The following C10orf90 variants were observed in gnomAD, a reference collection of about 807,000 sequenced individuals.
C10orf90 encodes chromosome 10 open reading frame 90.
In C10orf90, 56 loss-of-function variants were observed where a neutral mutation model predicts 62.5. The ratio of observed to expected loss-of-function variants is 0.90; its 90% CI spans 0.72 to 1.12. C10orf90 has a LOEUF of 1.12. C10orf90 is among the 50% of genes most tolerant of loss of function. C10orf90 has a pLI of 0.00. For missense variants in C10orf90, 970 were observed against 880.4 expected, an observed-to-expected ratio of 1.10 and a Z score of -1.29; for synonymous variants, 386 against 340.4, an observed-to-expected ratio of 1.13 and a Z score of -1.47.
At chr10:126,604,549 G>A (rs1845266883) in intron 2 of C10orf90, among the ~76,000 whole-genome samples, 1 of 152,206 alleles carries the variant, frequency 6.6e-6, no homozygotes. Flanking sequence ...GTAAGACACA[G>A]AAATGCAAAT....
intron 3 of C10orf90, among the ~76,000 whole-genome samples, chr10:126,513,103 A>C (rs1448896199): frequency 1.3e-5 from 2 of 152,204 alleles, no homozygotes; most frequent in African/African-American, 4.8e-5. Flanking sequence ...ATGCCTTGTA[A>C]ACTGTAACAT....
At chr10:126,524,561 G>T (rs928802701) in intron 2 of C10orf90, 1 of 911,150 alleles carries the variant, frequency 1.1e-6, no homozygotes, top group Non-Finnish European at 1.3e-6. Context: ...GGGAGAAGCT[G>T]AAAGATGAAA....
At chr10:126,563,402 G>C (rs1251187358) in intron 2 of C10orf90, among the ~76,000 whole-genome samples, 1 of 152,170 alleles carries the variant, frequency 6.6e-6, no homozygotes, top group Non-Finnish European at 1.5e-5. Context: ...GGTTTAACCA[G>C]AGCCATAAAT....
chr10:126,555,873 T>C (rs1414075071), intron 2 of C10orf90, among the ~76,000 whole-genome samples: 1 of 152,074 alleles, frequency 6.6e-6, no homozygotes, highest in African/African-American at 2.4e-5. Flanking sequence ...AAGTTACTTA[T>C]TCATAGAAAT....
chr10:126,637,790 A>G lies in C10orf90; in HGVS notation c.313+8775T>C, dbSNP rs1199663615. On this transcript the variant is annotated intron_variant, in intron 2 of 9. Coordinates refer to ENST00000488181, the MANE Select transcript of C10orf90 (RefSeq NM_001350921.2). Reference sequence around the variant, plus strand: ...CCAGGGCCTCGGGGCCTTTTGCACCACAATAAAAATGGTCCTTATTCCAAG... The same window carrying G: ...CCAGGGCCTCGGGGCCTTTTGCACCGCAATAAAAATGGTCCTTATTCCAAG... Among the ~76,000 whole-genome samples the G allele has an allele frequency of 4.1e-4, 62 of 152,212 alleles. 1 individual carries two copies. The highest frequency in any genetic ancestry group is 4.1e-3 in the Admixed American group (62 of 15,290).
chr10:126,643,082 T>C (rs933788933), intron 2 of C10orf90, among the ~76,000 whole-genome samples: 1 of 152,256 alleles, frequency 6.6e-6, no homozygotes, highest in Non-Finnish European at 1.5e-5. Flanking sequence ...GTTGTCTTCC[T>C]AGCACTTGGA....
rs536212947 is a variant in C10orf90, at chr10:126,534,828, C to T, written c.314-20889G>A. Among the ~76,000 whole-genome samples, 5 of 152,304 alleles carry T rather than the reference C, an allele frequency of 3.3e-5. No individual in the cohort carries two copies. In the South Asian group the frequency reaches 8.3e-4, roughly 25 times the overall value. On this transcript the variant is annotated intron_variant, in intron 2 of 9. Coordinates refer to ENST00000488181, the MANE Select transcript of C10orf90 (RefSeq NM_001350921.2). ...GTTTCCGCGTAGTGGGAAGATGGTG[C>T]TGCCTTTCAACAGACCTGCGAGCTC... is the stretch of plus-strand genomic sequence containing the variant.
intron 2 of C10orf90, among the ~76,000 whole-genome samples, chr10:126,543,496 A>G (rs141127452): frequency 2.0e-5 from 3 of 152,334 alleles, no homozygotes; most frequent in South Asian, 4.1e-4. Context: ...CAATTTTTCT[A>G]TAATTCAAGG....
intron 2 of C10orf90, chr10:126,521,393 A>T (rs1271763483): frequency 1.9e-5 from 30 of 1,607,888 alleles, no homozygotes; most frequent in Non-Finnish European, 2.5e-5. Flanking sequence ...ATTTGGCGAC[A>T]TGAAAGAAAA....
At chr10:126,512,386 C>G (rs61865862) in intron 3 of C10orf90, among the ~76,000 whole-genome samples, 9 of 13,382 alleles carry the variant, frequency 6.7e-4, no homozygotes, top group South Asian at 6.1e-3. Context: ...GTGTGTGTGT[C>G]TGTGTGTGTG....
chr10:126,523,894 G>A (rs1435504478), intron 2 of C10orf90, among the ~76,000 whole-genome samples: 1 of 152,176 alleles, frequency 6.6e-6, no homozygotes, highest in East Asian at 1.9e-4. Flanking sequence ...TGTAGCATGT[G>A]TCAGAATTTC....
At chr10:126,608,553 A>G (rs1201677323) in intron 2 of C10orf90, among the ~76,000 whole-genome samples, 1 of 152,206 alleles carries the variant, frequency 6.6e-6, no homozygotes, top group South Asian at 2.1e-4. Context: ...CAATATCCAC[A>G]ATTATCTGAA....
At chr10:126,584,069 G>A (rs900321287) in intron 2 of C10orf90, among the ~76,000 whole-genome samples, 1 of 152,190 alleles carries the variant, frequency 6.6e-6, no homozygotes, top group African/African-American at 2.4e-5. Context: ...GCAGTGAGCT[G>A]TGATGGTGCC....
At chr10:126,516,743 A>G (rs1863457427) in intron 2 of C10orf90, among the ~76,000 whole-genome samples, 1 of 152,218 alleles carries the variant, frequency 6.6e-6, no homozygotes, top group Admixed American at 6.5e-5. Context: ...CAAATGTGGT[A>G]TGCTCCAGTT....
Position 126,504,570 on chromosome 10 carries a change from G to A in C10orf90, c.921C>T (p.Pro307=), listed in dbSNP as rs764981920. 3 of 1,614,196 alleles carry A rather than the reference G, an allele frequency of 1.9e-6. No homozygotes were observed. The highest frequency in any genetic ancestry group is 2.2e-5 in the East Asian group (1 of 44,880). ...TCTCACACAACCCAGTGTGGGCCTC[G>A]GGAACCTTCAGCCGCACCACGGAGC... The part of the protein sequence containing the change: ...RNSSVVRLKV[P]EAHTGLCERR... The change falls in exon 4 of 10, where the codon CCC becomes CCT. Residue 307 remains proline, a synonymous_variant. Coordinates refer to ENST00000488181, the MANE Select transcript of C10orf90 (RefSeq NM_001350921.2). This position sits in a 1 kb window ranked among gnomAD's most constrained non-coding sequence, Gnocchi z 4.1.
Position 126,447,837 on chromosome 10 carries a change from G to A in C10orf90, c.2188+11203C>T, listed in dbSNP as rs535404695. On this transcript the variant is annotated intron_variant, in intron 7 of 9. Coordinates refer to ENST00000488181, the MANE Select transcript of C10orf90 (RefSeq NM_001350921.2). ...TAGAAATCATATCAAGTATCTTTTC[G>A]TTGTTGTTGTTGTTGCTGCTTTTGT... Among the ~76,000 whole-genome samples the A allele has an allele frequency of 2.2e-4, 10 of 45,226 alleles. No individual in the cohort carries two copies. In the South Asian group the frequency reaches 5.0e-3, roughly 22 times the overall value. 29.7% of individuals were successfully genotyped at this position (45,226 alleles called of 152,430 possible). A position where few individuals can be genotyped will look rare whatever the true frequency, so the allele number is the denominator to read the frequency against.
intron 2 of C10orf90, among the ~76,000 whole-genome samples, chr10:126,622,038 T>G (rs1845653473): frequency 6.6e-6 from 1 of 152,058 alleles, no homozygotes; most frequent in Non-Finnish European, 1.5e-5. Context: ...TCCCGTGGGT[T>G]GGTTGGGTCC....
chr10:126,670,018 G>A (rs368171869), intron 1 of C10orf90, among the ~76,000 whole-genome samples: 3 of 152,042 alleles, frequency 2.0e-5, no homozygotes, highest in Admixed American at 6.6e-5. Context: ...ATGTGTCATC[G>A]TAAATTAACT....
At chr10:126,437,952 A>G (rs546625446) in intron 7 of C10orf90, among the ~76,000 whole-genome samples, 1 of 152,334 alleles carries the variant, frequency 6.6e-6, no homozygotes, top group Admixed American at 6.5e-5. Context: ...TATAATTGGT[A>G]TGGATGAGAC....
Sources: gnomAD v4.1 joint callset for allele counts (sites outside exome capture counted in the v4.1 genomes callset) on GRCh38, gnomAD v4.1.1 for gene constraint, Gnocchi (gnomAD v3.1) non-coding constraint, MANE v1.5 for transcripts, NCBI Gene and HGNC (gene_info 2026-07-23, HGNC 2026-07-21) for gene names.